GPR157: variants seen among roughly 807,000 people sequenced by gnomAD.
GPR157 encodes the protein G-protein coupled receptor 157.
GPR157 carries 16 observed loss-of-function variants against 23.5 expected under a neutral mutation model. The observed-to-expected ratio is 0.68, with a 90% CI of 0.46 to 1.04. GPR157 has a LOEUF of 1.04. Ranked by LOEUF, GPR157 falls within the 50% of genes least tolerant of loss-of-function variation. The pLI, the probability that GPR157 is intolerant of heterozygous loss-of-function variation, is 0.00. For synonymous variants in GPR157, 200 were observed against 221.5 expected (o/e 0.90, Z 0.86); for missense variants, 440 against 460.7 (o/e 0.96, Z 0.41).
Position 9,120,090 on chromosome 1 carries a change from A to G in GPR157, c.383+8555T>C, listed in dbSNP as rs754048324. Among the ~76,000 whole-genome samples the G allele has an allele frequency of 2.6e-5, 4 of 152,084 alleles. No individual in the cohort carries two copies. The highest frequency in any genetic ancestry group is 5.9e-5 in the Non-Finnish European group (4 of 68,016). On this transcript the variant is annotated intron_variant, in intron 1 of 3. Coordinates refer to ENST00000377411, the MANE Select transcript of GPR157 (RefSeq NM_024980.5). The surrounding 1 kb of genome is among the most constrained non-coding windows in gnomAD (Gnocchi z 4.1). Reference sequence around the variant, plus strand: ...AGGGTGGGGGCACCTGCAGACAGGGAGACACACCTCCACTTCACACACAAA... The same window carrying G: ...AGGGTGGGGGCACCTGCAGACAGGGGGACACACCTCCACTTCACACACAAA...
intron 2 of GPR157, 60 bp downstream of exon 2, chr1:9,111,216 G>A (rs1187476827): frequency 2.0e-6 from 3 of 1,532,228 alleles, no homozygotes; most frequent in Admixed American, 1.7e-5. Flanking sequence ...TCAATGCCAG[G>A]CCTTGCACCT....
chr1:9,111,166 T>C lies in GPR157; in HGVS notation c.597+110A>G, dbSNP rs907295878. On this transcript the variant is annotated intron_variant, in intron 2 of 3. Coordinates refer to ENST00000377411, the MANE Select transcript of GPR157 (RefSeq NM_024980.5). ...GTCCCCTCTGGCCCATCACTGGTTC[T>C]GTCCCCAGAGACGCAACCTGTCCCC... is the stretch of plus-strand genomic sequence containing the variant. 3.2e-6 allele frequency: 3 copies of C among 934,250 alleles called. No homozygotes were observed. In the African/African-American group the frequency reaches 4.9e-5, roughly 15 times the overall value. 57.9% of individuals were successfully genotyped at this position (934,250 alleles called of 1,614,324 possible).
At position 9,110,970 on chromosome 1, in the gene GPR157, C is replaced by T. The variant is rs185814915; in HGVS notation, c.597+306G>A. ...GAGAGGGCCATGACCAAGGACACAG[C>T]AGCCCTGTCTGCAGCAGCCCTGTGC... On this transcript the variant is annotated intron_variant, in intron 2 of 3. Transcript: ENST00000377411. Among the ~76,000 whole-genome samples the T allele has an allele frequency of 3.9e-4, 59 of 152,318 alleles. No homozygotes were observed. The East Asian group carries it at 9.6e-3, about 25-fold the overall frequency.
intron 1 of GPR157, 41 bp from the exon 2 acceptor site, chr1:9,111,530 TG>T: frequency 6.4e-7 from 1 of 1,551,362 alleles, no homozygotes; most frequent in East Asian, 2.3e-5. Flanking sequence ...GGTCAGGCCA[TG>T]GCTCCCGGCA....
rs1423183592 is a variant in GPR157, at chr1:9,105,197, C to T, written c.792+289G>A. Among the ~76,000 whole-genome samples the T allele has an allele frequency of 6.6e-6, 1 of 152,128 alleles. No homozygotes were observed. The highest frequency in any genetic ancestry group is 1.9e-4 in the East Asian group (1 of 5,182). ...CCTTGGCAATGGGCCTTCAGCAGGG[C>T]TCCAGGTCTTCTTGGCTGGGAAGGA... On this transcript the variant is annotated intron_variant, in intron 3 of 3. Coordinates refer to ENST00000377411, the MANE Select transcript of GPR157 (RefSeq NM_024980.5). This position sits in a 1 kb window ranked among gnomAD's most constrained non-coding sequence, Gnocchi z 4.8.
intron 1 of GPR157, among the ~76,000 whole-genome samples, chr1:9,124,232 A>C (rs1638917657): frequency 1.3e-5 from 2 of 152,210 alleles, no homozygotes; most frequent in Admixed American, 1.3e-4. Context: ...GGTCAGAAGT[A>C]GATTCTAACT....
In GPR157 at chr1:9,118,184, G is replaced by A. The variant is rs1638725292; in HGVS notation, c.384-6695C>T. Among the ~76,000 whole-genome samples, 3 of 152,206 alleles carry A rather than the reference G, an allele frequency of 2.0e-5. No homozygotes were observed. The highest frequency in any genetic ancestry group is 7.2e-5 in the African/African-American group (3 of 41,446). On this transcript the variant is annotated intron_variant, in intron 1 of 3. Transcript: ENST00000377411. This position sits in a 1 kb window ranked among gnomAD's most constrained non-coding sequence, Gnocchi z 4.6. ...GGTTAAAAAGTCTTGAAGAGGACCT[G>A]GTGGTGGAGAAGTGGTTAGATGCCG... is the stretch of plus-strand genomic sequence containing the variant.
chr1:9,121,814 C>A (rs906819788), intron 1 of GPR157, among the ~76,000 whole-genome samples: 1 of 152,084 alleles, frequency 6.6e-6, no homozygotes, highest in Non-Finnish European at 1.5e-5. Context: ...GGTGGATGAA[C>A]GTGTGTGTGA....
At chr1:9,104,681 A>C in intron 3 of GPR157, 47 bp from the exon 4 acceptor site, 11 of 1,397,454 alleles carry the variant, frequency 7.9e-6, no homozygotes, top group African/African-American at 1.4e-5. Flanking sequence ...AGTTGGTCTC[A>C]GAAACACACG....
At chr1:9,106,998 CT>C (rs1227292980) in intron 2 of GPR157, among the ~76,000 whole-genome samples, 1 of 152,122 alleles carries the variant, frequency 6.6e-6, no homozygotes, top group African/African-American at 2.4e-5. Flanking sequence ...ACATAAATAA[CT>C]GCACGTGCAC....
chr1:9,105,485 C>A lies in GPR157; in HGVS notation c.792+1G>T. On this transcript the variant is annotated splice_donor_variant, in intron 3 of 3. Coordinates refer to ENST00000377411, the MANE Select transcript of GPR157 (RefSeq NM_024980.5). LOFTEE classifies it high-confidence loss of function. This position sits in a 1 kb window ranked among gnomAD's most constrained non-coding sequence, Gnocchi z 4.8. ...ACAAGGGCCAGGGAGGGCAGACCTACATGCAGAACCACCAGCACCGGCGTC... is the reference window on the plus strand; with the variant it reads ...ACAAGGGCCAGGGAGGGCAGACCTAAATGCAGAACCACCAGCACCGGCGTC... 1 of 1,557,498 alleles carries A rather than the reference C, an allele frequency of 6.4e-7. No homozygotes were observed.
Position 9,102,915 on chromosome 1 carries a change from T to A in GPR157, c.*1504A>T, listed in dbSNP as rs546382327. ...AACAGCTGAATCCTTTTGAATCCTT[T>A]GTTTTTTTCTTTTTTTGAGACAGGG... is the stretch of plus-strand genomic sequence containing the variant. On this transcript the variant is annotated 3_prime_UTR_variant, in exon 4 of 4. Coordinates refer to ENST00000377411, the MANE Select transcript of GPR157 (RefSeq NM_024980.5). 4 of 152,308 alleles carry A rather than the reference T, an allele frequency of 2.6e-5. No homozygotes were observed. The South Asian group carries it at 8.3e-4, about 32-fold the overall frequency. The allele number at this position is 152,308 out of a possible 1,614,324, so 9.4% of individuals were successfully genotyped here.
chr1:9,117,179 T>C (rs1470130429), intron 1 of GPR157, among the ~76,000 whole-genome samples: 3 of 152,186 alleles, frequency 2.0e-5, no homozygotes, highest in East Asian at 3.9e-4. Flanking sequence ...ATACTGGTCG[T>C]ATCTAACAAT....
intron 1 of GPR157, among the ~76,000 whole-genome samples, chr1:9,112,183 G>A (rs993822257): frequency 6.6e-6 from 1 of 152,210 alleles, no homozygotes; most frequent in Non-Finnish European, 1.5e-5. Flanking sequence ...CCATGCTCGT[G>A]CAAATGTGCC....
chr1:9,113,961 AC>A (rs1638573766), intron 1 of GPR157, among the ~76,000 whole-genome samples: 1 of 116,048 alleles, frequency 8.6e-6, no homozygotes, highest in Non-Finnish European at 1.8e-5. Flanking sequence ...AACCAAACAC[AC>A]ACACACACAC....
intron 2 of GPR157, 190 bp downstream of exon 2, chr1:9,111,086 C>T (rs1040041194): frequency 6.2e-6 from 4 of 646,622 alleles, no homozygotes; most frequent in Middle Eastern, 2.5e-4. Flanking sequence ...GGAACCAATG[C>T]ACGATCCGTG....
Position 9,128,592 on chromosome 1 carries a change from A to G in GPR157, c.383+53T>C. 1 of 1,553,694 alleles carries G rather than the reference A, an allele frequency of 6.4e-7. No homozygotes were observed. Among genetic ancestry groups the G allele is most frequent in the Non-Finnish European group, 8.8e-7 (1 of 1,131,174 alleles). ...CGGCCTCTGGGAGGGCAAGACCGGG[A>G]GGGGTCGGCCTGTGTCGGGGGCTCC... On this transcript the variant is annotated intron_variant, in intron 1 of 3. Transcript: ENST00000377411. This position sits in a 1 kb window ranked among gnomAD's most constrained non-coding sequence, Gnocchi z 6.3.
At chr1:9,109,755 G>A (rs1638434497) in intron 2 of GPR157, among the ~76,000 whole-genome samples, 1 of 152,200 alleles carries the variant, frequency 6.6e-6, no homozygotes, top group Non-Finnish European at 1.5e-5. Context: ...GACTCCACCT[G>A]AGGCAGAAGT....
chr1:9,119,232 C>A (rs1291890340), intron 1 of GPR157, among the ~76,000 whole-genome samples: 1 of 152,042 alleles, frequency 6.6e-6, no homozygotes, highest in African/African-American at 2.4e-5. Flanking sequence ...GGGGTTTCAC[C>A]ATGTTGGCCA....
Sources: allele counts gnomAD v4.1 joint callset (sites outside exome capture counted in the v4.1 genomes callset), GRCh38; gene constraint gnomAD v4.1.1; non-coding constraint Gnocchi (gnomAD v3.1); transcripts MANE v1.5; gene names NCBI Gene and HGNC (gene_info 2026-07-23, HGNC 2026-07-21).